SLC39A11: variants seen among roughly 807,000 people sequenced by gnomAD.
SLC39A11 encodes the protein solute carrier family 39 member 11, also known as zinc transporter ZIP11.
Under a neutral mutation model 36.1 loss-of-function variants are expected in SLC39A11, and 33 were observed. The observed-to-expected ratio is 0.91, with a 90% CI of 0.69 to 1.22. The LOEUF (loss-of-function observed/expected upper bound fraction) is 1.22, where lower values mean the gene tolerates loss of function less well. Among genes scored for constraint, SLC39A11 ranks in the 50% most tolerant of loss-of-function variants. The pLI is 0.00. For synonymous variants in SLC39A11, 166 were observed against 170.3 expected (o/e 0.97, Z 0.20); for missense variants, 432 against 430.3 (o/e 1.00, Z -0.03).
intron 6 of SLC39A11, among the ~76,000 whole-genome samples, chr17:72,846,956 G>C (rs2079078894): frequency 6.6e-6 from 1 of 152,142 alleles, no homozygotes; most frequent in Non-Finnish European, 1.5e-5. Context: ...TCCTCTGCAG[G>C]GGACCAAGGG....
At chr17:72,683,199 T>C (rs1326049158) in intron 7 of SLC39A11, among the ~76,000 whole-genome samples, 2 of 152,068 alleles carry the variant, frequency 1.3e-5, no homozygotes, top group East Asian at 1.9e-4. Flanking sequence ...TGGTTCTCAA[T>C]AGATCCTCTA....
rs538233734 is a variant in SLC39A11, at chr17:72,978,644, G to A, written c.307-30769C>T. ...CTAAGAAGGGGGTGGGGAGACTGTG[G>A]GGAGCATGGAAGTGGAGGTGAGGGA... On this transcript the variant is annotated intron_variant, in intron 4 of 9. Coordinates refer to ENST00000255559, the MANE Select transcript of SLC39A11 (RefSeq NM_139177.4). Among the ~76,000 whole-genome samples, 40 of 152,218 alleles carry A rather than the reference G, an allele frequency of 2.6e-4. 1 individual carries two copies. The highest frequency in any genetic ancestry group is 2.6e-3 in the Admixed American group (39 of 15,280).
At position 72,955,368 on chromosome 17, in the gene SLC39A11, T is replaced by A. The variant is rs572278831; in HGVS notation, c.307-7493A>T. 2.9e-5 allele frequency among the ~76,000 whole-genome samples: 4 copies of A among 136,752 alleles called. No homozygotes were observed. The East Asian group carries it at 7.4e-4, about 25-fold the overall frequency. The allele number at this position is 136,752 out of a possible 152,430, so 89.7% of individuals were successfully genotyped here. Reference sequence around the variant, plus strand: ...CCCAAGATGGAGTGCAGTGGTGCAATCTCAGCTCACTGCAACCTCTGTCTC... The same window carrying A: ...CCCAAGATGGAGTGCAGTGGTGCAAACTCAGCTCACTGCAACCTCTGTCTC... On this transcript the variant is annotated intron_variant, in intron 4 of 9. Transcript: ENST00000255559.
chr17:73,055,034 G>A (rs1217289221), intron 3 of SLC39A11, among the ~76,000 whole-genome samples: 2 of 152,058 alleles, frequency 1.3e-5, no homozygotes, highest in Non-Finnish European at 2.9e-5. Context: ...CCATGATGAG[G>A]TCATATGCTG....
rs1425193494 is a variant in SLC39A11, at chr17:72,707,166, G to A, written c.671+29484C>T. Among the ~76,000 whole-genome samples the A allele has an allele frequency of 1.4e-4, 21 of 152,192 alleles. 1 individual carries two copies. Among genetic ancestry groups the A allele is most frequent in the Admixed American group, 1.4e-3 (21 of 15,278 alleles). ...TGTAATCCCAGCATTTTGGGAGGCT[G>A]AAGCAGGAGGACTGCTTGAGCCCTG... On this transcript the variant is annotated intron_variant, in intron 7 of 9. Transcript: ENST00000255559.
chr17:72,722,897 A>C (rs1454763300), intron 7 of SLC39A11, among the ~76,000 whole-genome samples: 2 of 152,124 alleles, frequency 1.3e-5, no homozygotes, highest in African/African-American at 4.8e-5. Flanking sequence ...CGACCTCCCA[A>C]AGTGCTGGGA....
intron 6 of SLC39A11, among the ~76,000 whole-genome samples, chr17:72,803,130 T>G (rs1175921483): frequency 6.6e-6 from 1 of 152,264 alleles, no homozygotes; most frequent in East Asian, 1.9e-4. Flanking sequence ...CAATCCTCAG[T>G]GCGCTGCTTT....
At chr17:72,774,150 A>G (rs1189029520) in intron 6 of SLC39A11, among the ~76,000 whole-genome samples, 1 of 152,218 alleles carries the variant, frequency 6.6e-6, no homozygotes, top group Non-Finnish European at 1.5e-5. Flanking sequence ...GATGTGGTCC[A>G]TGGAAATGTA....
At chr17:72,976,379 T>C (rs976490558) in intron 4 of SLC39A11, among the ~76,000 whole-genome samples, 27 of 152,092 alleles carry the variant, frequency 1.8e-4, no homozygotes, top group Admixed American at 1.7e-3. Context: ...GATAAAGACA[T>C]GGCAAACAAC....
chr17:73,018,374 C>T (rs1334942879), intron 4 of SLC39A11, among the ~76,000 whole-genome samples: 2 of 151,964 alleles, frequency 1.3e-5, no homozygotes, highest in African/African-American at 2.4e-5. Context: ...CATGGAAAAA[C>T]CCTATCTCTA....
At chr17:72,918,542 A>G (rs2083459214) in intron 5 of SLC39A11, among the ~76,000 whole-genome samples, 1 of 152,238 alleles carries the variant, frequency 6.6e-6, no homozygotes, top group Non-Finnish European at 1.5e-5. Flanking sequence ...CAGTGCTCTC[A>G]GGAAATGTTG....
In SLC39A11 at chr17:72,847,326, C is replaced by T. The variant is rs184399570; in HGVS notation, c.601+2308G>A. ...GCCGAGACAGGAGAATTGCTTGAAC[C>T]GGGAAGTGGAGATTGAAGTGAGCTG... On this transcript the variant is annotated intron_variant, in intron 6 of 9. Transcript: ENST00000255559. Among the ~76,000 whole-genome samples the T allele has an allele frequency of 4.6e-5, 7 of 151,590 alleles. No homozygotes were observed. The East Asian group carries it at 9.7e-4, about 21-fold the overall frequency.
At position 72,714,498 on chromosome 17, in the gene SLC39A11, G is replaced by A. The variant is rs148715410; in HGVS notation, c.671+22152C>T. 5.9e-5 allele frequency among the ~76,000 whole-genome samples: 9 copies of A among 152,294 alleles called. No individual in the cohort carries two copies. In the East Asian group the frequency reaches 1.7e-3, roughly 29 times the overall value. On this transcript the variant is annotated intron_variant, in intron 7 of 9. Coordinates refer to ENST00000255559, the MANE Select transcript of SLC39A11 (RefSeq NM_139177.4). ...AAAAGGAAGGAAGCAGGTAAGAAGC[G>A]CAGCAGCCAAGTTCATAACCCTGCT...
chr17:72,981,039 T>C (rs1209686043), intron 4 of SLC39A11, among the ~76,000 whole-genome samples: 1 of 142,448 alleles, frequency 7.0e-6, no homozygotes. Flanking sequence ...AAAAAAAAAA[T>C]AGAATGTGAG....
chr17:72,934,430 C>T (rs2084618479), intron 5 of SLC39A11, among the ~76,000 whole-genome samples: 2 of 152,258 alleles, frequency 1.3e-5, no homozygotes, highest in Admixed American at 6.5e-5. Context: ...CTTTGGGAGG[C>T]TGAGGCAAGT....
At chr17:73,082,699 G>C (rs1357102164) in intron 3 of SLC39A11, among the ~76,000 whole-genome samples, 1 of 152,080 alleles carries the variant, frequency 6.6e-6, no homozygotes, top group Admixed American at 6.5e-5. Context: ...CAAAGGACAG[G>C]ATCACATCAG....
chr17:72,791,803 C>T (rs575219200), intron 6 of SLC39A11, among the ~76,000 whole-genome samples: 7 of 152,252 alleles, frequency 4.6e-5, no homozygotes, highest in East Asian at 3.9e-4. Context: ...CCCTTTTGCT[C>T]GGCACTTCTC....
chr17:73,068,458 AC>A (rs776945117), intron 3 of SLC39A11, among the ~76,000 whole-genome samples: 100 of 152,256 alleles, frequency 6.6e-4, no homozygotes, highest in Non-Finnish European at 1.2e-3. Context: ...CATGGAGACC[AC>A]CCCAACACAT....
intron 5 of SLC39A11, among the ~76,000 whole-genome samples, chr17:72,918,643 AC>A (rs2083464563): frequency 6.6e-6 from 1 of 152,046 alleles, no homozygotes; most frequent in Non-Finnish European, 1.5e-5. Context: ...CTTTCCCAAA[AC>A]TCTGCCTTTG....
Sources: allele counts gnomAD v4.1 joint callset (sites outside exome capture counted in the v4.1 genomes callset), GRCh38; gene constraint gnomAD v4.1.1; transcripts MANE v1.5; gene names NCBI Gene and HGNC (gene_info 2026-07-23, HGNC 2026-07-21).